The following NXN variants were observed in gnomAD, a reference collection of about 807,000 sequenced individuals.
The protein encoded by NXN is nucleoredoxin 1.
Under a neutral mutation model 48.6 loss-of-function variants are expected in NXN, and 16 were observed. That is an observed-to-expected ratio of 0.33 (90% CI 0.22 to 0.50). NXN has a LOEUF of 0.50. Among genes scored for constraint, NXN ranks in the 20% least tolerant of loss-of-function variants. The probability of loss-of-function intolerance (pLI) is 0.98; values close to 1 mark genes in which losing one functional copy is unlikely to be tolerated. For missense variants in NXN, 492 were observed against 605.5 expected (o/e 0.81, Z 1.97); for synonymous variants, 281 against 269.6 (o/e 1.04, Z -0.41).
At chr17:974,727 G>A (rs1012040230) in intron 1 of NXN, among the ~76,000 whole-genome samples, 1 of 151,864 alleles carries the variant, frequency 6.6e-6, no homozygotes, top group South Asian at 2.1e-4. Flanking sequence ...TTATTATGCA[G>A]AGAAAAAACA....
intron 1 of NXN, among the ~76,000 whole-genome samples, chr17:959,642 A>T (rs1167761497): frequency 6.7e-6 from 1 of 149,302 alleles, no homozygotes; most frequent in Non-Finnish European, 1.5e-5. Flanking sequence ...TAAAATACAA[A>T]AATTAGTTAG....
At chr17:801,565 C>T (rs779538555) in intron 7 of NXN, among the ~76,000 whole-genome samples, 4 of 151,400 alleles carry the variant, frequency 2.6e-5, no homozygotes, top group Non-Finnish European at 5.9e-5. Flanking sequence ...CCTGCCTCAG[C>T]CTCCTGAGTA....
chr17:880,938 C>T (rs1049352642), intron 1 of NXN, among the ~76,000 whole-genome samples: 1 of 152,180 alleles, frequency 6.6e-6, no homozygotes, highest in Non-Finnish European at 1.5e-5. Flanking sequence ...AAGGGGCTGA[C>T]TGGTTCCTGT....
intron 1 of NXN, among the ~76,000 whole-genome samples, chr17:905,932 G>A (rs549121943): frequency 4.0e-5 from 6 of 150,820 alleles, no homozygotes; most frequent in African/African-American, 9.7e-5. Flanking sequence ...AGCCACAATC[G>A]TGCCATTGTA....
intron 1 of NXN, among the ~76,000 whole-genome samples, chr17:937,407 C>T (rs1381500540): frequency 6.6e-6 from 1 of 152,090 alleles, no homozygotes; most frequent in Non-Finnish European, 1.5e-5. Context: ...ACTCAGGACA[C>T]AAGGAACACA....
intron 3 of NXN, among the ~76,000 whole-genome samples, chr17:822,926 C>T (rs1310169188): frequency 6.6e-6 from 1 of 151,830 alleles, no homozygotes; most frequent in Non-Finnish European, 1.5e-5. Flanking sequence ...ATGGAGAAAC[C>T]CCATCTCTAC....
Position 979,628 on chromosome 17 carries a change from G to C in NXN, c.51C>G (p.Gly17=). ...GCGAGTGCACGTCCACCTCCTCGCCGCCGCCCGTCACCAGCTTCTCGCCGA... is the reference window on the plus strand; with the variant it reads ...GCGAGTGCACGTCCACCTCCTCGCCCCCGCCCGTCACCAGCTTCTCGCCGA... ...ELLGEKLVTG[G]GEEVDVHSLG... The change falls in exon 1 of 8, where the codon GGC becomes GGG. Residue 17 remains glycine (G), a synonymous_variant. Transcript: ENST00000336868. The C allele has an allele frequency of 6.8e-7, 1 of 1,466,004 alleles. No homozygotes were observed. The highest frequency in any genetic ancestry group is 9.0e-7 in the Non-Finnish European group (1 of 1,108,556). The allele number at this position is 1,466,004 out of a possible 1,614,324, so 90.8% of individuals were successfully genotyped here.
chr17:966,716 T>C (rs920707980), intron 1 of NXN, among the ~76,000 whole-genome samples: 63 of 147,742 alleles, frequency 4.3e-4, no homozygotes, highest in African/African-American at 1.5e-3. Flanking sequence ...GGCCAAAAAA[T>C]TGGGCAACAA....
chr17:810,007 CTGTGAGTGGCGTGCACGTTAAGAGTCCG>C (rs1567810503), intron 5 of NXN, among the ~76,000 whole-genome samples: 11 of 115,016 alleles, frequency 9.6e-5, no homozygotes, highest in African/African-American at 2.0e-4. Flanking sequence ...CGTTACGAGT[CTGTGAGTGGCGTGCACGTTAAGAGTCCG>C]TGTGAGTGGC....
At chr17:979,253 T>TGGGGGGCGGGCAGGGGTAACGGGCGG (rs2069505225) in intron 1 of NXN, 66 bp downstream of exon 1, 18 of 742,594 alleles carry the variant, frequency 2.4e-5, no homozygotes, top group East Asian at 1.7e-4. Context: ...GTAACGGGCG[T>TGGGGGGCGGGCAGGGGTAACGGGCGG]GGGGGGCGGG....
In NXN at chr17:944,522, A is replaced by C. The variant is rs1381422291; in HGVS notation, c.360+34797T>G. 2.0e-5 allele frequency among the ~76,000 whole-genome samples: 3 copies of C among 152,226 alleles called. No homozygotes were observed. The East Asian group carries it at 5.8e-4, about 29-fold the overall frequency. ...TCCCTCTCAGCTGAGCAGATGGCAA[A>C]GGGGCAAATGTAAGGTAGATTCTGT... On this transcript the variant is annotated intron_variant, in intron 1 of 7. Transcript: ENST00000336868.
intron 1 of NXN, among the ~76,000 whole-genome samples, chr17:865,576 C>A (rs964719553): frequency 6.6e-6 from 1 of 152,098 alleles, no homozygotes; most frequent in South Asian, 2.1e-4. Context: ...ATGACAGTCT[C>A]TCCCCTCCAA....
At chr17:862,657 CA>C (rs1366476874) in intron 1 of NXN, among the ~76,000 whole-genome samples, 1 of 152,222 alleles carries the variant, frequency 6.6e-6, no homozygotes, top group African/African-American at 2.4e-5. Context: ...TCGTTAGTTA[CA>C]AAGGAGAAAC....
At chr17:967,253 T>C (rs766565649) in intron 1 of NXN, among the ~76,000 whole-genome samples, 2 of 152,102 alleles carry the variant, frequency 1.3e-5, no homozygotes, top group Non-Finnish European at 2.9e-5. Flanking sequence ...AGGGCGACCA[T>C]GCCGGACTCC....
chr17:853,723 A>ATATATATATATATTT (rs1491528474), intron 1 of NXN, among the ~76,000 whole-genome samples: 45 of 105,966 alleles, frequency 4.2e-4, no homozygotes, highest in African/African-American at 1.0e-3. Context: ...ATATATATAT[A>ATATATATATATATTT]TTTTTTTTTT....
intron 1 of NXN, among the ~76,000 whole-genome samples, chr17:931,915 G>A (rs149610836): frequency 0.046 from 6,872 of 148,270 alleles, 239 homozygotes; most frequent in Non-Finnish European, 0.068. Context: ...AGGCCGAGGC[G>A]GGGGGATCAC....
chr17:902,080 C>T (rs934982072), intron 1 of NXN, among the ~76,000 whole-genome samples: 5 of 152,172 alleles, frequency 3.3e-5, no homozygotes, highest in Non-Finnish European at 5.9e-5. Context: ...GGTTCCAGCC[C>T]TCCAGGCTCA....
chr17:807,738 G>A (rs191481053), intron 5 of NXN, among the ~76,000 whole-genome samples: 11 of 152,352 alleles, frequency 7.2e-5, no homozygotes, highest in South Asian at 2.1e-4. Context: ...GCCCCTGCAC[G>A]GGGGAAAGCA....
chr17:899,785 G>A (rs561680258), intron 1 of NXN, among the ~76,000 whole-genome samples: 1 of 152,274 alleles, frequency 6.6e-6, no homozygotes, highest in South Asian at 2.1e-4. Flanking sequence ...AGCTACTAGG[G>A]AGGATGAGGC....
Sources: allele counts gnomAD v4.1 joint callset (sites outside exome capture counted in the v4.1 genomes callset), GRCh38; gene constraint gnomAD v4.1.1; transcripts MANE v1.5; gene names NCBI Gene and HGNC (gene_info 2026-07-23, HGNC 2026-07-21).